GPC4: variants seen among roughly 807,000 people sequenced by gnomAD.
The protein encoded by GPC4 is glypican 4.
GPC4 carries 10 observed loss-of-function variants against 35.0 expected under a neutral mutation model. The ratio of observed to expected loss-of-function variants is 0.29; its 90% CI spans 0.18 to 0.48. GPC4 has a LOEUF of 0.48. GPC4 is among the 20% of genes least tolerant of loss of function. The pLI is 0.99. For missense variants in GPC4, 322 were observed against 451.3 expected, an observed-to-expected ratio of 0.71 and a Z score of 2.60; for synonymous variants, 167 against 170.2, an observed-to-expected ratio of 0.98 and a Z score of 0.15.
chrX:133,411,681 G>A (rs755747801), intron 1 of GPC4, among the ~76,000 whole-genome samples: 3 of 111,652 alleles, frequency 2.7e-5, no homozygotes, highest in African/African-American at 6.5e-5. Context: ...TGCCTTTCTT[G>A]CTGTCTCCAC....
intron 1 of GPC4, among the ~76,000 whole-genome samples, chrX:133,355,550 C>G (rs2068538201): frequency 1.8e-5 from 2 of 112,205 alleles, no homozygotes; most frequent in African/African-American, 6.5e-5. Context: ...ACAGCACTGA[C>G]ACACTTGGTA....
At chrX:133,359,276 C>A (rs763111596) in intron 1 of GPC4, among the ~76,000 whole-genome samples, 39 of 111,270 alleles carry the variant, frequency 3.5e-4, no homozygotes, top group Non-Finnish European at 5.8e-4. Flanking sequence ...CCTCAAGATG[C>A]CTGGAGACTG....
At chrX:133,353,260 GA>G (rs767217313) in intron 1 of GPC4, among the ~76,000 whole-genome samples, 10 of 111,876 alleles carry the variant, frequency 8.9e-5, no homozygotes, top group Non-Finnish European at 1.7e-4. Flanking sequence ...CTTTGGGTAT[GA>G]ATGAAAGGAT....
chrX:133,406,222 T>TTC (rs1157870847), intron 1 of GPC4, among the ~76,000 whole-genome samples: 42 of 112,557 alleles, frequency 3.7e-4, no homozygotes, highest in Admixed American at 3.5e-3. Flanking sequence ...TTCCAAAGTA[T>TTC]TCTCATTGTG....
chrX:133,390,011 T>C (rs766539024), intron 1 of GPC4, among the ~76,000 whole-genome samples: 1 of 111,320 alleles, frequency 9.0e-6, no homozygotes, highest in South Asian at 3.8e-4. Flanking sequence ...TCTCCAGTCT[T>C]TCAGAAGTTC....
At chrX:133,334,502 T>G (rs1052309290) in intron 2 of GPC4, among the ~76,000 whole-genome samples, 1 of 111,378 alleles carries the variant, frequency 9.0e-6, no homozygotes, top group African/African-American at 3.3e-5. Flanking sequence ...AGAGGGAAAA[T>G]AGAGGGTACC....
chrX:133,355,172 T>C (rs1006581570), intron 1 of GPC4, among the ~76,000 whole-genome samples: 5 of 112,058 alleles, frequency 4.5e-5, no homozygotes. Flanking sequence ...ACAATTAACA[T>C]AGGCCAGTAC....
intron 1 of GPC4, among the ~76,000 whole-genome samples, chrX:133,382,381 G>A (rs1331826841): frequency 7.7e-5 from 7 of 90,777 alleles, no homozygotes; most frequent in East Asian, 3.5e-4. Context: ...AGCTAAGATC[G>A]TGCCACTGCA....
At chrX:133,304,684 T>A in intron 7 of GPC4, 41 bp downstream of exon 7, 1 of 1,202,931 alleles carries the variant, frequency 8.3e-7, no homozygotes, top group South Asian at 1.8e-5. Flanking sequence ...CCCAGGCATC[T>A]AGGAAGGGAG....
intron 1 of GPC4, chrX:133,414,527 C>A (rs1296037830): frequency 1.3e-6 from 1 of 752,227 alleles, no homozygotes; most frequent in Non-Finnish European, 1.6e-6. Flanking sequence ...AGAGGAGGAG[C>A]GGAGGCGGGG....
At chrX:133,327,848 T>G (rs1050021596) in intron 2 of GPC4, among the ~76,000 whole-genome samples, 4 of 111,530 alleles carry the variant, frequency 3.6e-5, no homozygotes, top group Non-Finnish European at 7.5e-5. Flanking sequence ...TGGGTGAGCA[T>G]ATGGTTAATA....
At chrX:133,370,621 C>T (rs1247050932) in intron 1 of GPC4, among the ~76,000 whole-genome samples, 5 of 111,386 alleles carry the variant, frequency 4.5e-5, no homozygotes, top group Admixed American at 3.8e-4. Context: ...CAGGCTTACA[C>T]AACAGATGCT....
intron 4 of GPC4, among the ~76,000 whole-genome samples, chrX:133,310,227 A>G (rs1286409627): frequency 9.0e-6 from 1 of 111,606 alleles, no homozygotes; most frequent in Non-Finnish European, 1.9e-5. Context: ...CATGATTTGG[A>G]CAAATAAGTG....
chrX:133,319,045 C>A (rs1306345909), intron 3 of GPC4, among the ~76,000 whole-genome samples: 1 of 112,223 alleles, frequency 8.9e-6, no homozygotes, highest in African/African-American at 3.2e-5. Context: ...TTAACTGCAA[C>A]CCCTTTGCTG....
intron 4 of GPC4, among the ~76,000 whole-genome samples, chrX:133,307,299 T>C (rs1467262852): frequency 8.9e-6 from 1 of 111,898 alleles, no homozygotes; most frequent in East Asian, 2.8e-4. Flanking sequence ...AGCTTTCTAG[T>C]GGAAAGCAGC....
intron 1 of GPC4, among the ~76,000 whole-genome samples, chrX:133,401,663 T>C (rs2068768232): frequency 8.9e-6 from 1 of 112,046 alleles, no homozygotes; most frequent in African/African-American, 3.2e-5. Flanking sequence ...TAATAATCCA[T>C]TGACCTCATA....
chrX:133,354,696 G>A (rs1188560694), intron 1 of GPC4, among the ~76,000 whole-genome samples: 1 of 106,684 alleles, frequency 9.4e-6, no homozygotes, highest in Non-Finnish European at 1.9e-5. Flanking sequence ...AGCCTCCCGA[G>A]TAGCTGGGAC....
chrX:133,381,262 T>C (rs1228860209), intron 1 of GPC4, among the ~76,000 whole-genome samples: 1 of 112,475 alleles, frequency 8.9e-6, no homozygotes, highest in East Asian at 2.8e-4. Flanking sequence ...CAGTCTATTA[T>C]GCTATCACAT....
At chrX:133,414,594 TG>T in intron 1 of GPC4, 1 of 753,806 alleles carries the variant, frequency 1.3e-6, no homozygotes, top group Non-Finnish European at 1.6e-6. Flanking sequence ...CTCGCAGTGC[TG>T]GGAAGGGGGG....
Sources: allele counts gnomAD v4.1 joint callset (sites outside exome capture counted in the v4.1 genomes callset), GRCh38; gene constraint gnomAD v4.1.1; transcripts MANE v1.5; gene names NCBI Gene and HGNC (gene_info 2026-07-23, HGNC 2026-07-21).